DGKB: variants seen among roughly 807,000 people sequenced by gnomAD.
The protein encoded by DGKB is diacylglycerol kinase beta.
DGKB carries 67 observed loss-of-function variants against 114.3 expected under a neutral mutation model. The ratio of observed to expected loss-of-function variants is 0.59; its 90% confidence interval spans 0.48 to 0.72. DGKB has a LOEUF of 0.72. Ranked by LOEUF, DGKB falls within the 30% of genes least tolerant of loss-of-function variation. The probability of loss-of-function intolerance (pLI) is 0.00; values close to 1 mark genes in which losing one functional copy is unlikely to be tolerated. For missense variants in DGKB, 907 were observed against 975.2 expected, an observed-to-expected ratio of 0.93 and a Z score of 0.93; for synonymous variants, 398 against 323.1, an observed-to-expected ratio of 1.23 and a Z score of -2.49.
At chr7:14,302,956 C>T (rs1803821886) in intron 23 of DGKB, among the ~76,000 whole-genome samples, 1 of 152,100 alleles carries the variant, frequency 6.6e-6, no homozygotes, top group South Asian at 2.1e-4. Flanking sequence ...TTGTGCAATT[C>T]CTAAAAATTA....
At chr7:14,509,950 C>T (rs1222615734) in intron 20 of DGKB, among the ~76,000 whole-genome samples, 1 of 152,130 alleles carries the variant, frequency 6.6e-6, no homozygotes, top group Admixed American at 6.5e-5. Flanking sequence ...CCGAGGCGGG[C>T]TGGTCATGAG....
In DGKB at chr7:14,763,284, T is replaced by G. The variant is rs573346736; in HGVS notation, c.71-5553A>C. 2.6e-5 allele frequency among the ~76,000 whole-genome samples: 4 copies of G among 152,190 alleles called. No homozygotes were observed. In the East Asian group the frequency reaches 7.7e-4, roughly 29 times the overall value. ...CTCAAACACAGTAGGTTGTAACTCA[T>G]CCTCCATGGGACACCCCATAATAAC... is the stretch of plus-strand genomic sequence containing the variant. On this transcript the variant is annotated intron_variant, in intron 2 of 25. Coordinates refer to ENST00000402815, the MANE Select transcript of DGKB (RefSeq NM_001350709.2).
chr7:14,769,160 AG>A (rs1431747373), intron 2 of DGKB, among the ~76,000 whole-genome samples: 6 of 145,766 alleles, frequency 4.1e-5, no homozygotes, highest in African/African-American at 1.5e-4. Context: ...AGAGGGAGGG[AG>A]GGAAGGGAAG....
At chr7:14,627,309 A>G (rs1436893949) in intron 14 of DGKB, among the ~76,000 whole-genome samples, 1 of 152,142 alleles carries the variant, frequency 6.6e-6, no homozygotes, top group Non-Finnish European at 1.5e-5. Context: ...AACTGGTCTT[A>G]AAGTACCTGG....
intron 1 of DGKB, among the ~76,000 whole-genome samples, chr7:14,933,593 T>A (rs185889133): frequency 9.9e-4 from 151 of 152,280 alleles, no homozygotes; most frequent in Non-Finnish European, 1.5e-3. Flanking sequence ...TATGTCTTAC[T>A]CCTCTCTGCA....
chr7:14,601,459 AT>A (rs918856817), intron 17 of DGKB, among the ~76,000 whole-genome samples: 2 of 152,088 alleles, frequency 1.3e-5, no homozygotes, highest in Admixed American at 6.6e-5. Context: ...CCAAACTTTC[AT>A]TGGTAACACC....
chr7:14,296,289 C>T (rs183878903), intron 23 of DGKB, among the ~76,000 whole-genome samples: 4 of 152,142 alleles, frequency 2.6e-5, no homozygotes, highest in Non-Finnish European at 5.9e-5. Flanking sequence ...CTCAGCCTCC[C>T]AAAGTGCTGG....
intron 21 of DGKB, among the ~76,000 whole-genome samples, chr7:14,435,655 T>C (rs1272069540): frequency 1.3e-5 from 2 of 152,120 alleles, no homozygotes; most frequent in African/African-American, 4.8e-5. Context: ...TTATCTTTGA[T>C]GGCTTTTGTG....
chr7:14,450,883 G>T lies in DGKB; in HGVS notation c.1835+27278C>A, dbSNP rs1232351108. Among the ~76,000 whole-genome samples, 7 of 151,998 alleles carry T rather than the reference G, an allele frequency of 4.6e-5. No individual in the cohort carries two copies. The East Asian group carries it at 1.2e-3, about 25-fold the overall frequency. On this transcript the variant is annotated intron_variant, in intron 21 of 25. Transcript: ENST00000402815. ...TCAAAAATGCTGAGAGAATGAACTA[G>T]GAGGAAACAGAGGTCAGGACAAGTA...
At chr7:14,378,997 A>G (rs1395337368) in intron 21 of DGKB, among the ~76,000 whole-genome samples, 1 of 152,034 alleles carries the variant, frequency 6.6e-6, no homozygotes, top group East Asian at 1.9e-4. Flanking sequence ...AAATAAAGTA[A>G]AGCATAATGA....
At chr7:14,287,936 T>A (rs1376252476) in intron 23 of DGKB, among the ~76,000 whole-genome samples, 1 of 152,172 alleles carries the variant, frequency 6.6e-6, no homozygotes, top group Admixed American at 6.6e-5. Context: ...TACTGCCTCA[T>A]TTCCACATTA....
chr7:14,149,067 C>T lies in DGKB; in HGVS notation c.*64G>A, dbSNP rs1044523604. On this transcript the variant is annotated 3_prime_UTR_variant, in exon 26 of 26. Coordinates refer to ENST00000402815, the MANE Select transcript of DGKB (RefSeq NM_001350709.2). ...GAGACTTGAAATGGTTCAAAGATTTCCAGCATATGTGTTCCATGGCCCAAT... is the reference window on the plus strand; with the variant it reads ...GAGACTTGAAATGGTTCAAAGATTTTCAGCATATGTGTTCCATGGCCCAAT... 4 of 1,375,782 alleles carry T rather than the reference C, an allele frequency of 2.9e-6. No individual in the cohort carries two copies. The highest frequency in any genetic ancestry group is 3.1e-6 in the Non-Finnish European group (3 of 964,410). The allele number at this position is 1,375,782 out of a possible 1,614,324, so 85.2% of individuals were successfully genotyped here.
intron 20 of DGKB, among the ~76,000 whole-genome samples, chr7:14,525,636 A>T (rs754371236): frequency 2.0e-5 from 3 of 152,166 alleles, no homozygotes; most frequent in Non-Finnish European, 4.4e-5. Context: ...ACAGTAGTCA[A>T]GATATGATGA....
chr7:14,558,872 C>A (rs149807834), intron 20 of DGKB, among the ~76,000 whole-genome samples: 7 of 152,310 alleles, frequency 4.6e-5, no homozygotes, highest in Non-Finnish European at 1.0e-4. Flanking sequence ...GGGGAGAAAT[C>A]CCTGCCTGAA....
At chr7:14,295,230 T>G (rs1489051299) in intron 23 of DGKB, among the ~76,000 whole-genome samples, 1 of 152,192 alleles carries the variant, frequency 6.6e-6, no homozygotes, top group African/African-American at 2.4e-5. Context: ...TCATACAAAA[T>G]GGCCTATTTG....
At chr7:14,287,953 T>C (rs904119586) in intron 23 of DGKB, among the ~76,000 whole-genome samples, 6 of 152,116 alleles carry the variant, frequency 3.9e-5, no homozygotes, top group Non-Finnish European at 1.5e-5. Flanking sequence ...ATTAGTCCTG[T>C]TGGAATACAC....
At chr7:14,753,530 C>A (rs1834416935) in intron 4 of DGKB, among the ~76,000 whole-genome samples, 1 of 152,126 alleles carries the variant, frequency 6.6e-6, no homozygotes, top group Non-Finnish European at 1.5e-5. Flanking sequence ...CAAAACAAAA[C>A]AAAGCCTTAT....
At chr7:14,471,395 G>T (rs546396713) in intron 21 of DGKB, among the ~76,000 whole-genome samples, 1 of 91,392 alleles carries the variant, frequency 1.1e-5, no homozygotes, top group African/African-American at 4.3e-5. Context: ...ACACATATAT[G>T]TATAAGCATA....
chr7:14,696,680 A>G (rs1823995881), intron 8 of DGKB, among the ~76,000 whole-genome samples: 2 of 152,218 alleles, frequency 1.3e-5, no homozygotes, highest in Admixed American at 6.5e-5. Context: ...AGAAATAATC[A>G]GAAATTCCTG....
Sources: gnomAD v4.1 joint callset for allele counts (sites outside exome capture counted in the v4.1 genomes callset) on GRCh38, gnomAD v4.1.1 for gene constraint, MANE v1.5 for transcripts, NCBI Gene and HGNC (gene_info 2026-07-23, HGNC 2026-07-21) for gene names.